SREBF1: variants seen among roughly 807,000 people sequenced by gnomAD.
The protein encoded by SREBF1 is sterol regulatory element-binding protein 1.
SREBF1 carries 45 observed loss-of-function variants against 100.1 expected under a neutral mutation model. That is an observed-to-expected ratio of 0.45 (90% CI 0.35 to 0.58). SREBF1 has a LOEUF of 0.58. Ranked by LOEUF, SREBF1 falls within the 20% of genes least tolerant of loss-of-function variation. The pLI is 0.00. For synonymous variants in SREBF1, 657 were observed against 681.8 expected, an observed-to-expected ratio of 0.96 and a Z score of 0.57; for missense variants, 1,324 against 1,539.4, an observed-to-expected ratio of 0.86 and a Z score of 2.34.
intron 12 of SREBF1, 166 bp downstream of exon 12, chr17:17,815,694 C>A (rs544552754): frequency 2.5e-5 from 18 of 721,972 alleles, no homozygotes; most frequent in Non-Finnish European, 4.0e-5. Context: ...CCAATGGGAA[C>A]GAGAGGCACC....
intron 5 of SREBF1, chr17:17,818,589 G>C: frequency 1.7e-6 from 1 of 596,710 alleles, no homozygotes; most frequent in Non-Finnish European, 3.1e-6. Flanking sequence ...CAGACAGCAG[G>C]GTCTGGCTAG....
chr17:17,834,811 G>A (rs960186144), intron 1 of SREBF1, among the ~76,000 whole-genome samples: 1 of 152,128 alleles, frequency 6.6e-6, no homozygotes, highest in African/African-American at 2.4e-5. Context: ...TCAGGAGATC[G>A]AGACCATCCT....
At position 17,813,698 on chromosome 17, in the gene SREBF1, C is replaced by G. The variant is rs534092070; in HGVS notation, c.2973G>C (p.Pro991=). ...RTSLWRQQQP[P]APAPAAQGTS... is the part of the protein sequence containing the mutation. ...TGCCCTGGGCTGCTGGGGCCGGGGCCGGGGGCTGCTGCTGCCGCCACAGGC... is the reference window on the plus strand; with the variant it reads ...TGCCCTGGGCTGCTGGGGCCGGGGCGGGGGGCTGCTGCTGCCGCCACAGGC... Residue 991 remains proline (P), a synonymous_variant, in exon 17 of 19, where the codon CCG becomes CCC. Coordinates refer to ENST00000261646, the MANE Select transcript of SREBF1 (RefSeq NM_004176.5). 4 of 1,538,954 alleles carry G rather than the reference C, an allele frequency of 2.6e-6. No homozygotes were observed. The South Asian group carries it at 3.6e-5, about 14-fold the overall frequency.
intron 1 of SREBF1, among the ~76,000 whole-genome samples, chr17:17,832,828 G>A (rs1283709623): frequency 7.2e-5 from 11 of 152,070 alleles, no homozygotes; most frequent in Non-Finnish European, 1.3e-4. Context: ...GGCTGAGGCA[G>A]GAGAATGGTG....
In SREBF1 at chr17:17,812,297, A is replaced by C; in HGVS notation, c.*325T>G. On this transcript the variant is annotated 3_prime_UTR_variant, in exon 19 of 19. Coordinates refer to ENST00000261646, the MANE Select transcript of SREBF1 (RefSeq NM_004176.5). ...AAGTTGGCTTCCGTCAGCACAGGGAAATGTACCCCTCTCTTCCCTGTACAC... is the reference window on the plus strand; with the variant it reads ...AAGTTGGCTTCCGTCAGCACAGGGACATGTACCCCTCTCTTCCCTGTACAC... 4 of 468,358 alleles carry C rather than the reference A, an allele frequency of 8.5e-6. No homozygotes were observed. Among genetic ancestry groups the C allele is most frequent in the Non-Finnish European group, 1.5e-5 (4 of 259,602 alleles). 29.0% of individuals were successfully genotyped at this position (468,358 alleles called of 1,614,324 possible). A position where few individuals can be genotyped will look rare whatever the true frequency, so the allele number is the denominator to read the frequency against.
chr17:17,812,556 C>G lies in SREBF1; in HGVS notation c.*66G>C. On this transcript the variant is annotated 3_prime_UTR_variant, in exon 19 of 19. Coordinates refer to ENST00000261646, the MANE Select transcript of SREBF1 (RefSeq NM_004176.5). ...GCCTTCGGCCTTCAAAGCTTCGACGCAGGACAGAAGCTGCACGGGACCAAA... is the reference window on the plus strand; with the variant it reads ...GCCTTCGGCCTTCAAAGCTTCGACGGAGGACAGAAGCTGCACGGGACCAAA... 6.7e-7 allele frequency: 1 copy of G among 1,496,346 alleles called. No individual in the cohort carries two copies. Among genetic ancestry groups the G allele is most frequent in the African/African-American group, 1.4e-5 (1 of 71,774 alleles). 92.7% of individuals were successfully genotyped at this position (1,496,346 alleles called of 1,614,324 possible). A position where few individuals can be genotyped will look rare whatever the true frequency, so the allele number is the denominator to read the frequency against.
intron 18 of SREBF1, chr17:17,813,133 CTTTT>C (rs1217159344): frequency 5.3e-5 from 30 of 567,204 alleles, no homozygotes; most frequent in Admixed American, 1.8e-4. Context: ...GATGCTTGGT[CTTTT>C]TTTTTTTTTG....
chr17:17,812,614 C>A lies in SREBF1; in HGVS notation c.*8G>T. The A allele has an allele frequency of 6.3e-7, 1 of 1,594,802 alleles. No homozygotes were observed. Among genetic ancestry groups the A allele is most frequent in the Non-Finnish European group, 8.5e-7 (1 of 1,169,984 alleles). ...GAGACAGGGGTGCTGAGGCCGGGGA[C>A]ACGGGGTCTAGCTGGAAGTGACAGT... On this transcript the variant is annotated 3_prime_UTR_variant, in exon 19 of 19. Coordinates refer to ENST00000261646, the MANE Select transcript of SREBF1 (RefSeq NM_004176.5).
In SREBF1 at chr17:17,819,517, C is replaced by T. The variant is rs200650254; in HGVS notation, c.711+21G>A. The stretch of plus-strand genomic sequence containing the variant: ...TGGGCTGGGGCTGCCCCCTCCCCAA[C>T]CCCTGGCCAGACCCCCTCACCGGGA... On this transcript the variant is annotated intron_variant, in intron 3 of 18. Coordinates refer to ENST00000261646, the MANE Select transcript of SREBF1 (RefSeq NM_004176.5). 1.7e-4 allele frequency: 269 copies of T among 1,613,380 alleles called. 2 individuals are homozygous for T. The Middle Eastern group carries it at 3.0e-3, about 18-fold the overall frequency.
At chr17:17,836,222 G>A (rs1448717715) in intron 1 of SREBF1, among the ~76,000 whole-genome samples, 1 of 152,286 alleles carries the variant, frequency 6.6e-6, no homozygotes, top group Non-Finnish European at 1.5e-5. Context: ...GTCGCAGACC[G>A]GGAGAACCCG....
chr17:17,816,196 A>ACCCCCCCCCCCCCCCCCCC lies in SREBF1; in HGVS notation c.2214+10_2214+11insGGGGGGGGGGGGGGGGGGG. 9.3e-7 allele frequency: 1 copy of ACCCCCCCCCCCCCCCCCCC among 1,077,042 alleles called. No individual in the cohort carries two copies. The highest frequency in any genetic ancestry group is 3.0e-5 in the African/African-American group (1 of 33,676). 66.7% of individuals were successfully genotyped at this position (1,077,042 alleles called of 1,614,324 possible). ...TGCAGGGATAAGCCCCCAGCCCCCC[A>ACCCCCCCCCCCCCCCCCCC]ACCCACTCACTGTCAGAAAATGCAA... On this transcript the variant is annotated intron_variant, in intron 11 of 18. Transcript: ENST00000261646.
At position 17,836,769 on chromosome 17, in the gene SREBF1, C is replaced by T; in HGVS notation, c.49G>A (p.Glu17Lys). 5 of 1,569,328 alleles carry T rather than the reference C, an allele frequency of 3.2e-6. No homozygotes were observed. Among genetic ancestry groups the T allele is most frequent in the Non-Finnish European group, 4.3e-6 (5 of 1,165,666 alleles). Residue 17 changes from glutamate to lysine, a missense_variant, in exon 1 of 19, where the codon GAG becomes AAG. By Grantham distance (56) the Glu-to-Lys change is moderately conservative. Coordinates refer to ENST00000261646, the MANE Select transcript of SREBF1 (RefSeq NM_004176.5). ...SEAALEQALGEPCDLDAALLT... is the reference protein window; with the variant it reads ...SEAALEQALGKPCDLDAALLT... ...AGCGCCGCGTCCAGATCGCACGGCT[C>T]GCCCAGCGCCTGCTCCAAAGCCGCC...
At position 17,820,374 on chromosome 17, in the gene SREBF1, C is replaced by T. The variant is rs868672310; in HGVS notation, c.239G>A (p.Ser80Asn). Residue 80 changes from serine (S) to asparagine (N), a missense_variant, in exon 2 of 19, where the codon AGC becomes AAC. Coordinates refer to ENST00000261646, the MANE Select transcript of SREBF1 (RefSeq NM_004176.5). ...GCTCAGGAAGGCTTCAAGAGAGGAG[C>T]TCAATGTGGCAGGAGGTGGAGACAA... ...GSLSPPPATL[S>N]SSLEAFLSGP... is the part of the protein sequence containing the mutation. 2 of 1,612,388 alleles carry T rather than the reference C, an allele frequency of 1.2e-6. No homozygotes were observed. Among genetic ancestry groups the T allele is most frequent in the Non-Finnish European group, 1.7e-6 (2 of 1,178,712 alleles).
At position 17,811,625 on chromosome 17, in the gene SREBF1, G is replaced by A. The variant is rs2032853061; in HGVS notation, c.*997C>T. ...CCCTGTGCCCCCTCTCCAGTGTGGC[G>A]GCAGGTCGGGAGGGAGGAGGCTTCT... On this transcript the variant is annotated 3_prime_UTR_variant, in exon 19 of 19. Transcript: ENST00000261646. 9.3e-6 allele frequency: 4 copies of A among 428,592 alleles called. No individual in the cohort carries two copies. The highest frequency in any genetic ancestry group is 7.0e-4 in the Middle Eastern group (2 of 2,858). The allele number at this position is 428,592 out of a possible 1,614,324, so 26.5% of individuals were successfully genotyped here.
Position 17,817,032 on chromosome 17 carries a change from C to G in SREBF1, c.1711G>C (p.Val571Leu), listed in dbSNP as rs749330660. ...GCGGGGCCTGAGTGGGGCCGTGTGA[C>G]TGGCTCACCGTAGACAAAGAGAAGC... The part of the protein sequence containing the change: ...LVLLFVYGEP[V>L]TRPHSGPAVY... The change falls in exon 9 of 19, where the codon GTC becomes CTC. Residue 571 changes from valine (V) to leucine (L), a missense_variant. By Grantham distance (32) the Val-to-Leu change is conservative (BLOSUM62 1). Transcript: ENST00000261646. This position sits in a 1 kb window ranked among gnomAD's most constrained non-coding sequence, Gnocchi z 6.6. The G allele has an allele frequency of 6.2e-7, 1 of 1,613,174 alleles. No homozygotes were observed. Among genetic ancestry groups the G allele is most frequent in the Non-Finnish European group, 8.5e-7 (1 of 1,180,038 alleles).
At chr17:17,823,629 T>C (rs770520507) in intron 1 of SREBF1, 2 of 1,599,482 alleles carry the variant, frequency 1.3e-6, no homozygotes, top group South Asian at 1.1e-5. Context: ...CGGCGGATTT[T>C]TGAAGCCGTT....
chr17:17,819,853 C>A lies in SREBF1; in HGVS notation c.524-128G>T, dbSNP rs1291617435. 2.7e-5 allele frequency: 36 copies of A among 1,318,468 alleles called. No homozygotes were observed. The East Asian group carries it at 9.1e-4, about 33-fold the overall frequency. 81.7% of individuals were successfully genotyped at this position (1,318,468 alleles called of 1,614,324 possible). On this transcript the variant is annotated intron_variant, in intron 2 of 18. Transcript: ENST00000261646. ...CCCATGTGGCTTCCTATGGACAGTCCCTGCCTGGGCTCTGATGCAAATGCA... is the reference window on the plus strand; with the variant it reads ...CCCATGTGGCTTCCTATGGACAGTCACTGCCTGGGCTCTGATGCAAATGCA...
Position 17,819,870 on chromosome 17 carries a change from G to A in SREBF1, c.524-145C>T, listed in dbSNP as rs1271971220. Reference sequence around the variant, plus strand: ...GGACAGTCCCTGCCTGGGCTCTGATGCAAATGCACTGGCTTCAAGCCAGGC... The same window carrying A: ...GGACAGTCCCTGCCTGGGCTCTGATACAAATGCACTGGCTTCAAGCCAGGC... On this transcript the variant is annotated intron_variant, in intron 2 of 18. Coordinates refer to ENST00000261646, the MANE Select transcript of SREBF1 (RefSeq NM_004176.5). 33 of 1,264,052 alleles carry A rather than the reference G, an allele frequency of 2.6e-5. 1 individual carries two copies. The South Asian group carries it at 4.5e-4, about 17-fold the overall frequency. The allele number at this position is 1,264,052 out of a possible 1,614,324, so 78.3% of individuals were successfully genotyped here.
At chr17:17,814,530 A>G (rs1465978612) in intron 15 of SREBF1, 85 bp downstream of exon 15, 15 of 1,535,718 alleles carry the variant, frequency 9.8e-6, no homozygotes, top group Non-Finnish European at 7.0e-6. Flanking sequence ...TCCTGCACAG[A>G]ACAAAGGCTG....
Sources: allele counts gnomAD v4.1 joint callset (sites outside exome capture counted in the v4.1 genomes callset), GRCh38; gene constraint gnomAD v4.1.1; non-coding constraint Gnocchi (gnomAD v3.1); transcripts MANE v1.5; gene names NCBI Gene and HGNC (gene_info 2026-07-23, HGNC 2026-07-21).